The following BNC2 variants were observed in gnomAD, a reference collection of about 807,000 sequenced individuals.
The protein encoded by BNC2 is zinc finger protein basonuclin-2.
BNC2 carries 20 observed loss-of-function variants against 76.3 expected under a neutral mutation model. The observed-to-expected ratio is 0.26, with a 90% CI of 0.18 to 0.38. BNC2 has a LOEUF of 0.38. Ranked by LOEUF, BNC2 falls within the 10% of genes least tolerant of loss-of-function variation. The pLI, the probability that BNC2 is intolerant of heterozygous loss-of-function variation, is 1.00. For missense variants in BNC2, 1,382 were observed against 1,399.8 expected, an observed-to-expected ratio of 0.99 and a Z score of 0.20; for synonymous variants, 582 against 514.8, an observed-to-expected ratio of 1.13 and a Z score of -1.77.
intron 4 of BNC2, among the ~76,000 whole-genome samples, chr9:16,555,214 G>A (rs1006785062): frequency 4.6e-5 from 7 of 151,452 alleles, no homozygotes; most frequent in East Asian, 3.9e-4. Flanking sequence ...TGGTAGAGAC[G>A]GGGTTTCACC....
rs369204403 is a variant in BNC2 at position 16,791,357 on chromosome 9, G to A, written c.4-52872C>T. 2.6e-5 allele frequency among the ~76,000 whole-genome samples: 4 copies of A among 152,140 alleles called. No individual in the cohort carries two copies. In the South Asian group the frequency reaches 8.3e-4, roughly 32 times the overall value. ...ATTACAGGCATGAGCCACCGCGCCC[G>A]GCCACAATTATAGTTAATGTAACAT... is the stretch of plus-strand genomic sequence containing the variant. On this transcript the variant is annotated intron_variant, in intron 1 of 6. Transcript: ENST00000380672.
chr9:16,732,839 T>C (rs1824555181), intron 2 of BNC2, among the ~76,000 whole-genome samples: 1 of 152,226 alleles, frequency 6.6e-6, no homozygotes, highest in African/African-American at 2.4e-5. Flanking sequence ...CACTTCCTTA[T>C]GGCGAAACAA....
At chr9:16,678,959 A>G (rs1822741945) in intron 3 of BNC2, among the ~76,000 whole-genome samples, 1 of 152,202 alleles carries the variant, frequency 6.6e-6, no homozygotes, top group Admixed American at 6.5e-5. Context: ...CTATCGCCCA[A>G]GATAGTTGTT....
At chr9:16,641,903 A>T (rs1344936795) in intron 3 of BNC2, among the ~76,000 whole-genome samples, 3 of 152,200 alleles carry the variant, frequency 2.0e-5, no homozygotes, top group African/African-American at 7.2e-5. Flanking sequence ...AGATGATGCT[A>T]TTTAATGGAA....
chr9:16,785,490 G>A (rs1470157481), intron 1 of BNC2, among the ~76,000 whole-genome samples: 1 of 151,532 alleles, frequency 6.6e-6, no homozygotes, highest in Non-Finnish European at 1.5e-5. Context: ...CACCTCCCAG[G>A]TTCAAGCAAT....
At chr9:16,638,913 A>G (rs183090088) in intron 3 of BNC2, among the ~76,000 whole-genome samples, 5 of 152,300 alleles carry the variant, frequency 3.3e-5, no homozygotes, top group Admixed American at 3.3e-4. Flanking sequence ...GATAATATAA[A>G]TTGCAAAAGT....
intron 1 of BNC2, among the ~76,000 whole-genome samples, chr9:16,776,432 G>A (rs376379893): frequency 2.0e-5 from 3 of 152,080 alleles, no homozygotes; most frequent in East Asian, 1.9e-4. Context: ...GACCCACAGC[G>A]CCCAGCCACC....
chr9:16,525,852 T>C (rs572061902), intron 5 of BNC2, among the ~76,000 whole-genome samples: 3 of 152,314 alleles, frequency 2.0e-5, no homozygotes, highest in Middle Eastern at 3.4e-3. Context: ...TACCCCAATA[T>C]CACTTACTTT....
intron 1 of BNC2, among the ~76,000 whole-genome samples, chr9:16,794,396 G>C (rs1031195664): frequency 6.6e-6 from 1 of 152,162 alleles, no homozygotes. Context: ...TGTTCATTAA[G>C]ACCAAGGCTC....
chr9:16,823,987 A>T (rs1818398587), intron 1 of BNC2, among the ~76,000 whole-genome samples: 1 of 152,238 alleles, frequency 6.6e-6, no homozygotes, highest in Non-Finnish European at 1.5e-5. Context: ...TGGATTAATG[A>T]ATACATTTTG....
intron 1 of BNC2, among the ~76,000 whole-genome samples, chr9:16,827,345 G>A (rs1818476363): frequency 6.6e-6 from 1 of 152,178 alleles, no homozygotes; most frequent in East Asian, 1.9e-4. Context: ...TGTTCTTCTA[G>A]TCTTCCTGAG....
intron 1 of BNC2, among the ~76,000 whole-genome samples, chr9:16,829,228 G>A (rs1818525045): frequency 1.3e-5 from 2 of 152,250 alleles, no homozygotes; most frequent in Admixed American, 6.5e-5. Flanking sequence ...GGGTAGAAGA[G>A]AGGAGCGGGC....
At chr9:16,557,457 C>A (rs1481725416) in intron 4 of BNC2, among the ~76,000 whole-genome samples, 1 of 151,764 alleles carries the variant, frequency 6.6e-6, no homozygotes, top group African/African-American at 2.4e-5. Context: ...TGAGATCGTA[C>A]CACTGCACTC....
intron 1 of BNC2, among the ~76,000 whole-genome samples, chr9:16,855,134 C>CGTGTGT (rs35273850): frequency 6.7e-6 from 1 of 149,886 alleles, no homozygotes; most frequent in Non-Finnish European, 1.5e-5. Context: ...GTTCACATGG[C>CGTGTGT]GTGTGTGTGT....
chr9:16,677,180 A>G (rs1400722176), intron 3 of BNC2, among the ~76,000 whole-genome samples: 24 of 152,230 alleles, frequency 1.6e-4, no homozygotes, highest in Admixed American at 1.6e-3. Flanking sequence ...AAGCTAATAC[A>G]CAGGCACAAT....
At chr9:16,575,965 G>T (rs1189425914) in intron 4 of BNC2, among the ~76,000 whole-genome samples, 1 of 152,156 alleles carries the variant, frequency 6.6e-6, no homozygotes, top group African/African-American at 2.4e-5. Flanking sequence ...ACCAGCTTCC[G>T]CTTTTTCCAA....
intron 6 of BNC2, among the ~76,000 whole-genome samples, chr9:16,433,361 A>T (rs528108865): frequency 6.6e-6 from 1 of 152,344 alleles, no homozygotes; most frequent in East Asian, 1.9e-4. Context: ...AAGACTGGGC[A>T]TACTGTGATT....
chr9:16,467,980 A>G (rs1033847636), intron 5 of BNC2, among the ~76,000 whole-genome samples: 1 of 151,248 alleles, frequency 6.6e-6, no homozygotes, highest in Non-Finnish European at 1.5e-5. Flanking sequence ...TCTATCCTTG[A>G]GTGGATGCTG....
In BNC2 at chr9:16,540,821, T is replaced by C. The variant is rs188615192; in HGVS notation, c.669+11709A>G. ...CCTTGTTATTGCTCAGGACAGACAC[T>C]AGCACCTCATTGAAAGATCAGTGCT... On this transcript the variant is annotated intron_variant, in intron 5 of 6. Transcript: ENST00000380672. 2.6e-5 allele frequency among the ~76,000 whole-genome samples: 4 copies of C among 152,288 alleles called. No individual in the cohort carries two copies. The East Asian group carries it at 5.8e-4, about 22-fold the overall frequency.
Sources: gnomAD v4.1 joint callset for allele counts (sites outside exome capture counted in the v4.1 genomes callset) on GRCh38, gnomAD v4.1.1 for gene constraint, MANE v1.5 for transcripts, NCBI Gene and HGNC (gene_info 2026-07-23, HGNC 2026-07-21) for gene names.